The following ARHGEF7 variants were observed in gnomAD, a reference collection of about 807,000 sequenced individuals.
ARHGEF7 encodes the protein PAK-interacting exchange factor beta.
A neutral mutation model predicts 109.8 loss-of-function variants in ARHGEF7; 33 were observed. The observed-to-expected ratio is 0.30, with a 90% CI of 0.23 to 0.40. The LOEUF (loss-of-function observed/expected upper bound fraction) is 0.40. Among genes scored for constraint, ARHGEF7 ranks in the 10% least tolerant of loss-of-function variants. The pLI is 1.00. For synonymous variants in ARHGEF7, 458 were observed against 424.6 expected (o/e 1.08, Z -0.97); for missense variants, 938 against 1,098.5 (o/e 0.85, Z 2.07).
intron 1 of ARHGEF7, among the ~76,000 whole-genome samples, chr13:111,140,381 G>A (rs1417616769): frequency 1.3e-5 from 2 of 152,218 alleles, no homozygotes; most frequent in Non-Finnish European, 2.9e-5. Flanking sequence ...TAGGGCGGTG[G>A]TGCAGGTTTA....
chr13:111,219,490 T>C (rs981538499), intron 5 of ARHGEF7, among the ~76,000 whole-genome samples: 1 of 152,208 alleles, frequency 6.6e-6, no homozygotes, highest in Non-Finnish European at 1.5e-5. Context: ...TCAGTTCTTT[T>C]CTGTATATAC....
intron 8 of ARHGEF7, among the ~76,000 whole-genome samples, chr13:111,260,641 G>T (rs1474912034): frequency 6.6e-6 from 1 of 152,194 alleles, no homozygotes; most frequent in Non-Finnish European, 1.5e-5. Flanking sequence ...AGAAAATAAT[G>T]TTAGTGAGCA....
chr13:111,167,073 C>T (rs955465741), intron 2 of ARHGEF7, among the ~76,000 whole-genome samples: 2 of 152,158 alleles, frequency 1.3e-5, no homozygotes, highest in Non-Finnish European at 2.9e-5. Flanking sequence ...CAAGCTGTAA[C>T]CACCTGAGTA....
intron 2 of ARHGEF7, among the ~76,000 whole-genome samples, chr13:111,163,555 ATATTTATT>A (rs561211403): frequency 6.6e-6 from 1 of 152,028 alleles, no homozygotes; most frequent in Non-Finnish European, 1.5e-5. Flanking sequence ...TCATTTTTAA[ATATTTATT>A]TATTTATTTA....
intron 2 of ARHGEF7, among the ~76,000 whole-genome samples, chr13:111,179,585 C>T (rs549285258): frequency 8.5e-5 from 13 of 152,300 alleles, no homozygotes; most frequent in Middle Eastern, 6.8e-3. Context: ...TTATGCAACC[C>T]ATATTCAGAT....
intron 5 of ARHGEF7, among the ~76,000 whole-genome samples, chr13:111,219,562 G>A (rs940003053): frequency 3.9e-5 from 6 of 152,108 alleles, no homozygotes; most frequent in African/African-American, 1.4e-4. Flanking sequence ...GAACTGCCAC[G>A]TGGTTTTCCC....
Position 111,247,273 on chromosome 13 carries a change from C to CTT in ARHGEF7, c.950+2991_950+2992dup, listed in dbSNP as rs5806892. Among the ~76,000 whole-genome samples, 72 of 146,354 alleles carry CTT rather than the reference C, an allele frequency of 4.9e-4. No homozygotes were observed. In the South Asian group the frequency reaches 5.2e-3, roughly 11 times the overall value. On this transcript the variant is annotated intron_variant, in intron 8 of 21. Coordinates refer to ENST00000646102, the MANE Select transcript of ARHGEF7 (RefSeq NM_001354046.2). Reference sequence around the variant, plus strand: ...TATATGTAGCAGTTTCATACTCATTCTTTTTTTTTTTTTGATACAGAATCT... The same window carrying CTT: ...TATATGTAGCAGTTTCATACTCATTCTTTTTTTTTTTTTTTGATACAGAATCT...
intron 19 of ARHGEF7, among the ~76,000 whole-genome samples, chr13:111,299,559 G>A (rs145406123): frequency 0.019 from 2,901 of 152,044 alleles, 70 homozygotes; most frequent in African/African-American, 0.058. Context: ...AACCAGGTTG[G>A]TCTCGATCTC....
At chr13:111,282,931 G>C in intron 15 of ARHGEF7, 1 of 720,396 alleles carries the variant, frequency 1.4e-6, no homozygotes, top group African/African-American at 1.8e-5. Context: ...GCCGTGAGGA[G>C]CCCCACGCTC....
chr13:111,175,233 T>C (rs1031882040), intron 2 of ARHGEF7, among the ~76,000 whole-genome samples: 7 of 152,228 alleles, frequency 4.6e-5, no homozygotes, highest in African/African-American at 1.4e-4. Context: ...GGTCCCACAC[T>C]GTCTTAGAAG....
chr13:111,133,780 T>A (rs9522139), intron 1 of ARHGEF7, among the ~76,000 whole-genome samples: 2 of 30,148 alleles, frequency 6.6e-5, no homozygotes, highest in African/African-American at 9.1e-5. Context: ...TATATATATA[T>A]ATATATATAT....
chr13:111,203,806 A>G (rs1259507714), intron 2 of ARHGEF7, among the ~76,000 whole-genome samples: 1 of 152,260 alleles, frequency 6.6e-6, no homozygotes, highest in East Asian at 1.9e-4. Flanking sequence ...TTTGAATAAT[A>G]CAGCAGGACT....
intron 4 of ARHGEF7, among the ~76,000 whole-genome samples, chr13:111,210,622 A>T (rs939610307): frequency 1.3e-5 from 2 of 152,168 alleles, no homozygotes; most frequent in African/African-American, 4.8e-5. Flanking sequence ...TGAAGTTGAA[A>T]ATGAGAAACT....
chr13:111,161,618 A>G (rs1160888216), intron 2 of ARHGEF7, among the ~76,000 whole-genome samples: 1 of 152,138 alleles, frequency 6.6e-6, no homozygotes. Context: ...TTAAATCTTT[A>G]CCCAGGGTTC....
intron 8 of ARHGEF7, among the ~76,000 whole-genome samples, chr13:111,254,182 A>G (rs896148921): frequency 1.3e-5 from 2 of 152,232 alleles, no homozygotes; most frequent in Non-Finnish European, 2.9e-5. Context: ...ATGATAGTGA[A>G]AACAGTACAT....
At chr13:111,133,961 C>A (rs2074956773) in intron 1 of ARHGEF7, among the ~76,000 whole-genome samples, 1 of 150,552 alleles carries the variant, frequency 6.6e-6, no homozygotes, top group South Asian at 2.1e-4. Flanking sequence ...CCTCCCCCCA[C>A]CCCACAACAG....
chr13:111,127,648 GAAAAAAAAAAA>G, intron 1 of ARHGEF7, among the ~76,000 whole-genome samples: 1 of 40,058 alleles, frequency 2.5e-5, no homozygotes, highest in South Asian at 1.1e-3. Flanking sequence ...CTCTGTTTCA[GAAAAAAAAAAA>G]AAAAAAAAAA....
At chr13:111,295,490 A>T (rs1407803162) in intron 19 of ARHGEF7, among the ~76,000 whole-genome samples, 1 of 152,236 alleles carries the variant, frequency 6.6e-6, no homozygotes, top group African/African-American at 2.4e-5. Context: ...GTGTGCGCAT[A>T]AATGGGAAAA....
chr13:111,294,359 G>A (rs1209579009), intron 19 of ARHGEF7: 57 of 985,422 alleles, frequency 5.8e-5, no homozygotes, highest in Non-Finnish European at 6.6e-5. Flanking sequence ...TGTGTCATGG[G>A]CTGTGTAGAC....
Sources: allele counts gnomAD v4.1 joint callset (sites outside exome capture counted in the v4.1 genomes callset), GRCh38; gene constraint gnomAD v4.1.1; transcripts MANE v1.5; gene names NCBI Gene and HGNC (gene_info 2026-07-23, HGNC 2026-07-21).